HS3ST4: variants seen among roughly 807,000 people sequenced by gnomAD.
HS3ST4 encodes heparan sulfate-glucosamine 3-sulfotransferase 4.
Under a neutral mutation model 29.2 loss-of-function variants are expected in HS3ST4, and 17 were observed. The observed-to-expected ratio is 0.58, with a 90% confidence interval of 0.40 to 0.87. HS3ST4 has a LOEUF of 0.87. Among genes scored for constraint, HS3ST4 ranks in the 40% least tolerant of loss-of-function variants. The pLI, the probability that HS3ST4 is intolerant of heterozygous loss-of-function variation, is 0.00. For synonymous variants in HS3ST4, 314 were observed against 285.7 expected (o/e 1.10, Z -1.00); for missense variants, 627 against 634.5 (o/e 0.99, Z 0.13).
At chr16:26,133,603 G>C (rs1321715533) in intron 1 of HS3ST4, among the ~76,000 whole-genome samples, 1 of 152,184 alleles carries the variant, frequency 6.6e-6, no homozygotes, top group Non-Finnish European at 1.5e-5. Flanking sequence ...ACAACATCCA[G>C]CTCTTTGTGA....
Position 26,137,566 on chromosome 16 carries a change from G to A in HS3ST4, c.*1318G>A, listed in dbSNP as rs1336023752. 2.0e-5 allele frequency: 3 copies of A among 152,162 alleles called. No individual in the cohort carries two copies. The highest frequency in any genetic ancestry group is 2.9e-5 in the Non-Finnish European group (2 of 68,018). 9.4% of individuals were successfully genotyped at this position (152,162 alleles called of 1,614,324 possible). ...TCACAGATCTCCAAAACCAGGAATT[G>A]TTCTAGTAAAACTGGAAATTTGTAT... On this transcript the variant is annotated 3_prime_UTR_variant, in exon 2 of 2. Coordinates refer to ENST00000331351, the MANE Select transcript of HS3ST4 (RefSeq NM_006040.3).
chr16:25,891,201 A>G (rs191083274), intron 1 of HS3ST4, among the ~76,000 whole-genome samples: 9 of 152,300 alleles, frequency 5.9e-5, no homozygotes, highest in Non-Finnish European at 1.2e-4. Context: ...TGAACCAGAT[A>G]CTGTTCAGAG....
chr16:25,730,346 C>T (rs1966562427), intron 1 of HS3ST4, among the ~76,000 whole-genome samples: 1 of 151,858 alleles, frequency 6.6e-6, no homozygotes, highest in South Asian at 2.1e-4. Context: ...TTCCTTCCTT[C>T]CTTCTCCTCC....
chr16:25,793,366 G>A (rs538631304), intron 1 of HS3ST4, among the ~76,000 whole-genome samples: 12 of 151,890 alleles, frequency 7.9e-5, no homozygotes, highest in African/African-American at 2.7e-4. Flanking sequence ...GTTACTGTGA[G>A]TTACTGGGAG....
At position 26,028,272 on chromosome 16, in the gene HS3ST4, CAAAAAAAAAAAAAA is replaced by C. The variant is rs57920476; in HGVS notation, c.735-107330_735-107317del. Among the ~76,000 whole-genome samples the C allele has an allele frequency of 7.9e-3, 383 of 48,650 alleles. 2 individuals carry two copies. Among genetic ancestry groups the C allele is most frequent in the African/African-American group, 0.025 (375 of 14,840 alleles). The allele number at this position is 48,650 out of a possible 152,430, so 31.9% of individuals were successfully genotyped here. A position where few individuals can be genotyped will look rare whatever the true frequency, so the allele number is the denominator to read the frequency against. On this transcript the variant is annotated intron_variant, in intron 1 of 1. Transcript: ENST00000331351. ...TGGGTGACAGAGTGAGACACCGTCT[CAAAAAAAAAAAAAA>C]AAAAAAAAAGAATAAGAAAGTAAGC...
chr16:26,012,785 A>C (rs1277218744), intron 1 of HS3ST4, among the ~76,000 whole-genome samples: 2 of 152,234 alleles, frequency 1.3e-5, no homozygotes, highest in Non-Finnish European at 1.5e-5. Flanking sequence ...AAATAGATTT[A>C]TTAAATAAGA....
At chr16:25,872,315 G>T (rs1462121962) in intron 1 of HS3ST4, among the ~76,000 whole-genome samples, 1 of 152,112 alleles carries the variant, frequency 6.6e-6, no homozygotes, top group African/African-American at 2.4e-5. Context: ...AGTGGTTGTG[G>T]CTACTCGTGA....
At position 25,857,932 on chromosome 16, in the gene HS3ST4, C is replaced by CTTTCTT. The variant is rs1555469173; in HGVS notation, c.734+164783_734+164788dup. Among the ~76,000 whole-genome samples the CTTTCTT allele has an allele frequency of 1.6e-3, 80 of 49,532 alleles. 1 individual carries two copies. The highest frequency in any genetic ancestry group is 8.4e-3 in the African/African-American group (73 of 8,740). 32.5% of individuals were successfully genotyped at this position (49,532 alleles called of 152,430 possible). ...CCTTCCTTCCTTCCTTTCTTTCTTT[C>CTTTCTT]TTTCTTTCTTTCTTTCTTTCTTTCT... On this transcript the variant is annotated intron_variant, in intron 1 of 1. Coordinates refer to ENST00000331351, the MANE Select transcript of HS3ST4 (RefSeq NM_006040.3).
At chr16:25,784,751 T>A (rs951149854) in intron 1 of HS3ST4, among the ~76,000 whole-genome samples, 4 of 152,240 alleles carry the variant, frequency 2.6e-5, no homozygotes, top group African/African-American at 9.6e-5. Flanking sequence ...AAGCAGCAAG[T>A]GCTGATGTAG....
intron 1 of HS3ST4, among the ~76,000 whole-genome samples, chr16:26,041,454 T>A (rs1432578605): frequency 6.6e-6 from 1 of 152,170 alleles, no homozygotes; most frequent in Non-Finnish European, 1.5e-5. Context: ...CGATTCAGAA[T>A]CTCAGGGAAT....
intron 1 of HS3ST4, among the ~76,000 whole-genome samples, chr16:25,898,628 C>T (rs531309021): frequency 5.4e-4 from 83 of 152,312 alleles, no homozygotes; most frequent in South Asian, 2.3e-3. Flanking sequence ...CATTCAAATG[C>T]ACACTGCCCT....
chr16:26,135,665 G>C lies in HS3ST4; in HGVS notation c.788G>C (p.Ser263Thr). 6.2e-7 allele frequency: 1 copy of C among 1,613,594 alleles called. No homozygotes were observed. The highest frequency in any genetic ancestry group is 8.5e-7 in the Non-Finnish European group (1 of 1,179,738). Residue 263 changes from serine to threonine, a missense_variant, in exon 2 of 2, where the codon AGT becomes ACT. Ser to Thr is a moderately conservative substitution (Grantham distance 58). Transcript: ENST00000331351. ...CAAATAACCATGGAGAAGACTCCAA[G>C]TTACTTTGTGACAAATGAGGCTCCC... The part of the protein sequence containing the change: ...DGQITMEKTP[S>T]YFVTNEAPKR...
At chr16:25,765,943 G>A (rs1418961764) in intron 1 of HS3ST4, among the ~76,000 whole-genome samples, 1 of 152,190 alleles carries the variant, frequency 6.6e-6, no homozygotes, top group Non-Finnish European at 1.5e-5. Flanking sequence ...TCAAGGCTGA[G>A]TTGGTGTGTT....
At chr16:26,090,970 T>A (rs1898849923) in intron 1 of HS3ST4, among the ~76,000 whole-genome samples, 1 of 152,162 alleles carries the variant, frequency 6.6e-6, no homozygotes, top group Non-Finnish European at 1.5e-5. Flanking sequence ...GAGGCTAACC[T>A]GGTGTATAGG....
intron 1 of HS3ST4, among the ~76,000 whole-genome samples, chr16:26,099,810 C>T (rs978747428): frequency 6.6e-6 from 1 of 152,212 alleles, no homozygotes; most frequent in Middle Eastern, 3.4e-3. Flanking sequence ...TGCACACACA[C>T]ACGCACACAC....
At position 26,135,852 on chromosome 16, in the gene HS3ST4, T is replaced by C. The variant is rs911087963; in HGVS notation, c.975T>C (p.Asp325=). 6.2e-7 allele frequency: 1 copy of C among 1,614,028 alleles called. No individual in the cohort carries two copies. The highest frequency in any genetic ancestry group is 2.2e-5 in the East Asian group (1 of 44,874). Residue 325 remains aspartate, a synonymous_variant, in exon 2 of 2, where the codon GAT becomes GAC. Coordinates refer to ENST00000331351, the MANE Select transcript of HS3ST4 (RefSeq NM_006040.3). ...AAAACCGGACCCTCGGGCTGATCGA[T>C]GCTTCCTGGAGTGCCATTCGAATAG... ...AFKNRTLGLI[D]ASWSAIRIGI...
intron 1 of HS3ST4, among the ~76,000 whole-genome samples, chr16:26,015,530 T>A (rs1474589867): frequency 6.6e-6 from 1 of 152,208 alleles, no homozygotes; most frequent in Non-Finnish European, 1.5e-5. Flanking sequence ...TCATGACTGA[T>A]TGAATTAATG....
At chr16:25,735,422 T>C (rs1966601788) in intron 1 of HS3ST4, among the ~76,000 whole-genome samples, 1 of 152,012 alleles carries the variant, frequency 6.6e-6, no homozygotes, top group South Asian at 2.1e-4. Context: ...GGGATCTTTA[T>C]TTGTCACCCA....
intron 1 of HS3ST4, among the ~76,000 whole-genome samples, chr16:25,695,551 G>A (rs975682834): frequency 3.3e-5 from 5 of 152,194 alleles, no homozygotes; most frequent in South Asian, 2.1e-4. Flanking sequence ...TCTCACTCCC[G>A]TATAGGAAGA....
Sources: gnomAD v4.1 joint callset for allele counts (sites outside exome capture counted in the v4.1 genomes callset) on GRCh38, gnomAD v4.1.1 for gene constraint, MANE v1.5 for transcripts, NCBI Gene and HGNC (gene_info 2026-07-23, HGNC 2026-07-21) for gene names.